The following BRD8 variants were observed in gnomAD, a reference collection of about 807,000 sequenced individuals.
BRD8 encodes bromodomain containing 8, also known as bromodomain-containing protein 8.
Under a neutral mutation model 143.1 loss-of-function variants are expected in BRD8, and 67 were observed. That is an observed-to-expected ratio of 0.47 (90% confidence interval 0.38 to 0.57). BRD8 has a LOEUF of 0.57. BRD8 is among the 20% of genes least tolerant of loss of function. The pLI is 0.00. For missense variants in BRD8, 1,103 were observed against 1,503.0 expected, an observed-to-expected ratio of 0.73 and a Z score of 4.40; for synonymous variants, 505 against 517.1, an observed-to-expected ratio of 0.98 and a Z score of 0.32.
chr5:138,170,166 C>T (rs1276015291), intron 7 of BRD8, among the ~76,000 whole-genome samples, 179 bp downstream of exon 7: 2 of 152,178 alleles, frequency 1.3e-5, no homozygotes, highest in African/African-American at 4.8e-5. Context: ...GAGATCTGAG[C>T]ACAACGCATG....
rs1438988978 is a variant in BRD8, at chr5:138,145,901, A to C, written c.3279-23T>G. On this transcript the variant is annotated intron_variant, in intron 23 of 26. Coordinates refer to ENST00000254900, the MANE Select transcript of BRD8 (RefSeq NM_139199.2). ...GTCCTATGAGGATAAAACATGAAGA[A>C]AAGAGACAGTAACTTCACAAATAAT... 4 of 1,587,284 alleles carry C rather than the reference A, an allele frequency of 2.5e-6. No individual in the cohort carries two copies. In the African/African-American group the frequency reaches 5.4e-5, roughly 21 times the overall value.
intron 4 of BRD8, 29 bp from the exon 5 acceptor site, chr5:138,171,189 T>A: frequency 6.3e-7 from 1 of 1,588,880 alleles, no homozygotes; most frequent in Non-Finnish European, 8.6e-7. Flanking sequence ...AAAAAATTCA[T>A]ATTCAAATAA....
At chr5:138,153,321 A>G (rs528575705) in intron 20 of BRD8, among the ~76,000 whole-genome samples, 19 of 151,882 alleles carry the variant, frequency 1.3e-4, no homozygotes, top group African/African-American at 4.1e-4. Flanking sequence ...TTACACCACT[A>G]TCTTGGTTTT....
At position 138,159,755 on chromosome 5, in the gene BRD8, T is replaced by C. The variant is rs528402201; in HGVS notation, c.2533-156A>G. Among the ~76,000 whole-genome samples, 9 of 152,274 alleles carry C rather than the reference T, an allele frequency of 5.9e-5. No homozygotes were observed. In the South Asian group the frequency reaches 1.7e-3, roughly 28 times the overall value. ...AAGAGATCCAAAAGCAATCTGTCCATTACGCCTCTAGCACAGAAACTGATG... is the reference window on the plus strand; with the variant it reads ...AAGAGATCCAAAAGCAATCTGTCCACTACGCCTCTAGCACAGAAACTGATG... On this transcript the variant is annotated intron_variant, in intron 19 of 26. Transcript: ENST00000254900.
At chr5:138,155,158 A>G (rs1403979392) in intron 20 of BRD8, among the ~76,000 whole-genome samples, 1 of 151,408 alleles carries the variant, frequency 6.6e-6, no homozygotes, top group Non-Finnish European at 1.5e-5. Flanking sequence ...TGAGTTTTAA[A>G]AATGTTGGCA....
Position 138,169,331 on chromosome 5 carries a change from C to CG in BRD8, c.532dup (p.Arg178ProfsTer20), listed in dbSNP as rs776848360. The CG allele has an allele frequency of 3.7e-6, 6 of 1,613,592 alleles. No individual in the cohort carries two copies. Among genetic ancestry groups the CG allele is most frequent in the East Asian group, 2.2e-5 (1 of 44,876 alleles). Reference sequence around the variant, plus strand: ...GCGAACCATCACAGTGGGTAACCTCCGGGGGGGTGTTTTTACTGCTTGACG... The same window carrying CG: ...GCGAACCATCACAGTGGGTAACCTCCGGGGGGGGTGTTTTTACTGCTTGACG... On this transcript the variant is annotated frameshift_variant, in exon 8 of 27. Coordinates refer to ENST00000254900, the MANE Select transcript of BRD8 (RefSeq NM_139199.2). LOFTEE classifies it high-confidence loss of function.
chr5:138,170,806 C>A, intron 6 of BRD8, 26 bp downstream of exon 6: 1 of 1,591,858 alleles, frequency 6.3e-7, no homozygotes, highest in Non-Finnish European at 8.6e-7. Context: ...GAAAGAAGCA[C>A]AGAAGAACAA....
Position 138,140,024 on chromosome 5 carries a change from G to T in BRD8, c.*50C>A. ...GTACCAGGATCCTCTCTAGGTCAGA[G>T]TTCCGGGAGAGATTCAAACTCTAGA... On this transcript the variant is annotated 3_prime_UTR_variant, in exon 27 of 27. Coordinates refer to ENST00000254900, the MANE Select transcript of BRD8 (RefSeq NM_139199.2). 2 of 1,445,100 alleles carry T rather than the reference G, an allele frequency of 1.4e-6. No homozygotes were observed. Among genetic ancestry groups the T allele is most frequent in the Non-Finnish European group, 1.9e-6 (2 of 1,026,696 alleles). The allele number at this position is 1,445,100 out of a possible 1,614,324, so 89.5% of individuals were successfully genotyped here.
chr5:138,155,817 G>A (rs1047067697), intron 20 of BRD8, among the ~76,000 whole-genome samples: 7 of 151,922 alleles, frequency 4.6e-5, no homozygotes, highest in African/African-American at 1.5e-4. Context: ...GTGAGCCACC[G>A]TGTCTGGCCA....
At chr5:138,153,752 C>CT (rs1330021070) in intron 20 of BRD8, among the ~76,000 whole-genome samples, 4 of 147,414 alleles carry the variant, frequency 2.7e-5, no homozygotes, top group Non-Finnish European at 5.9e-5. Flanking sequence ...TCTCGGCTCA[C>CT]TGCAACCTCT....
At chr5:138,176,442 C>T (rs1391939629) in intron 2 of BRD8, among the ~76,000 whole-genome samples, 1 of 152,096 alleles carries the variant, frequency 6.6e-6, no homozygotes. Flanking sequence ...CCACTCGTGG[C>T]GCATGGCTGT....
chr5:138,164,480 C>A, intron 12 of BRD8, 67 bp from the exon 13 acceptor site: 1 of 1,475,028 alleles, frequency 6.8e-7, no homozygotes, highest in South Asian at 1.2e-5. Flanking sequence ...CAACTTTATT[C>A]TTCAGTGATA....
At position 138,168,229 on chromosome 5, in the gene BRD8, T is replaced by C. The variant is rs906522623; in HGVS notation, c.643-151A>G. 10 of 693,604 alleles carry C rather than the reference T, an allele frequency of 1.4e-5. No individual in the cohort carries two copies. The African/African-American group carries it at 1.8e-4, about 12-fold the overall frequency. 43.0% of individuals were successfully genotyped at this position (693,604 alleles called of 1,614,324 possible). On this transcript the variant is annotated intron_variant, in intron 8 of 26. Coordinates refer to ENST00000254900, the MANE Select transcript of BRD8 (RefSeq NM_139199.2). ...AAGACCCAAGGGAAACTCTAAACTA[T>C]AATGTTCAAAACTTATTTGACAAGA...
chr5:138,172,989 T>C (rs919900893), intron 2 of BRD8: 5 of 175,126 alleles, frequency 2.9e-5, no homozygotes, highest in African/African-American at 9.6e-5. Flanking sequence ...CTGCTAACAC[T>C]AGTAGACGGG....
intron 25 of BRD8, among the ~76,000 whole-genome samples, chr5:138,143,613 G>C (rs1391852649): frequency 1.2e-5 from 1 of 80,064 alleles, no homozygotes; most frequent in Non-Finnish European, 3.5e-5. Context: ...TCAGTGCTCT[G>C]TATCTAGCTA....
chr5:138,171,789 C>A (rs966412063), intron 3 of BRD8, among the ~76,000 whole-genome samples: 3 of 152,118 alleles, frequency 2.0e-5, no homozygotes, highest in Non-Finnish European at 4.4e-5. Context: ...AATGAAAAAA[C>A]AGAGGATCAT....
chr5:138,141,200 G>A (rs996120492), intron 25 of BRD8, among the ~76,000 whole-genome samples: 10 of 151,602 alleles, frequency 6.6e-5, no homozygotes, highest in African/African-American at 2.4e-4. Flanking sequence ...AGCAATCTCA[G>A]CTCACTGCAA....
At chr5:138,142,573 GC>G (rs1469542554) in intron 25 of BRD8, among the ~76,000 whole-genome samples, 3 of 151,354 alleles carry the variant, frequency 2.0e-5, no homozygotes, top group Non-Finnish European at 4.4e-5. Flanking sequence ...GACCATCCTG[GC>G]CAACATAGTG....
chr5:138,162,010 A>G lies in BRD8; in HGVS notation c.2180+44T>C, dbSNP rs747173333. ...ACTTTTTTCCAGTCACCAACAATGA[A>G]GAGTAGGAGAAAATGAACCTACTGA... On this transcript the variant is annotated intron_variant, in intron 16 of 26. Coordinates refer to ENST00000254900, the MANE Select transcript of BRD8 (RefSeq NM_139199.2). 3.2e-6 allele frequency: 5 copies of G among 1,580,072 alleles called. No homozygotes were observed. The African/African-American group carries it at 5.4e-5, about 17-fold the overall frequency.
Sources: gnomAD v4.1 joint callset for allele counts (sites outside exome capture counted in the v4.1 genomes callset) on GRCh38, gnomAD v4.1.1 for gene constraint, MANE v1.5 for transcripts, NCBI Gene and HGNC (gene_info 2026-07-23, HGNC 2026-07-21) for gene names.